The following TBC1D8 variants were observed in gnomAD, a reference collection of about 807,000 sequenced individuals.
The protein encoded by TBC1D8 is BUB2-like protein 1.
A neutral mutation model predicts 118.8 loss-of-function variants in TBC1D8; 65 were observed. The ratio of observed to expected loss-of-function variants is 0.55; its 90% confidence interval spans 0.45 to 0.67. The LOEUF (loss-of-function observed/expected upper bound fraction) is 0.67, where lower values mean the gene tolerates loss of function less well. Among genes scored for constraint, TBC1D8 ranks in the 30% least tolerant of loss-of-function variants. The pLI, the probability that TBC1D8 is intolerant of heterozygous loss-of-function variation, is 0.00. For synonymous variants in TBC1D8, 566 were observed against 595.8 expected (o/e 0.95, Z 0.73); for missense variants, 1,376 against 1,471.2 (o/e 0.94, Z 1.06).
At chr2:101,037,920 G>A (rs1009341398) in intron 7 of TBC1D8, among the ~76,000 whole-genome samples, 9 of 152,144 alleles carry the variant, frequency 5.9e-5, no homozygotes, top group African/African-American at 9.7e-5. Flanking sequence ...CCGGTCCCCA[G>A]AACCTGGGTC....
intron 2 of TBC1D8, among the ~76,000 whole-genome samples, chr2:101,062,771 A>G (rs1682822643): frequency 6.6e-6 from 1 of 152,098 alleles, no homozygotes; most frequent in African/African-American, 2.4e-5. Flanking sequence ...CCTCCCAAAT[A>G]GCTGGGACCA....
At chr2:101,013,563 C>A (rs901313817) in intron 17 of TBC1D8, among the ~76,000 whole-genome samples, 12 of 152,326 alleles carry the variant, frequency 7.9e-5, no homozygotes, top group African/African-American at 2.6e-4. Flanking sequence ...TCTCAGACTT[C>A]TGTTTGAAGG....
At chr2:101,025,656 C>T (rs557194726) in intron 15 of TBC1D8, among the ~76,000 whole-genome samples, 2 of 152,176 alleles carry the variant, frequency 1.3e-5, no homozygotes, top group African/African-American at 2.4e-5. Flanking sequence ...ATAAGTCTTA[C>T]GCAGAACATG....
chr2:101,134,337 T>C lies in TBC1D8; in HGVS notation c.127+16790A>G, dbSNP rs146810240. ...TCAGGCACCATCAATACTAATCAGA[T>C]CTCTGGCTTTGCCTAAGTTAGAGTC... On this transcript the variant is annotated intron_variant, in intron 1 of 19. Coordinates refer to ENST00000409318, the MANE Select transcript of TBC1D8 (RefSeq NM_001330348.2). Among the ~76,000 whole-genome samples the C allele has an allele frequency of 1.1e-3, 165 of 152,280 alleles. 1 individual carries two copies. Among genetic ancestry groups the C allele is most frequent in the African/African-American group, 3.4e-3 (141 of 41,550 alleles).
chr2:101,105,203 C>A (rs1369871760), intron 1 of TBC1D8, among the ~76,000 whole-genome samples: 3 of 152,006 alleles, frequency 2.0e-5, no homozygotes, highest in Non-Finnish European at 4.4e-5. Flanking sequence ...AAAAGACAAG[C>A]CACTGACTGA....
chr2:101,015,837 T>C (rs1253985064), intron 17 of TBC1D8, among the ~76,000 whole-genome samples: 2 of 152,144 alleles, frequency 1.3e-5, no homozygotes, highest in Non-Finnish European at 1.5e-5. Flanking sequence ...ATTCCCTATT[T>C]AATAAATGGT....
chr2:101,019,663 C>CA (rs1412872972), intron 17 of TBC1D8: 13 of 152,158 alleles, frequency 8.5e-5, no homozygotes, highest in African/African-American at 2.9e-4. Flanking sequence ...AAGGTCTGAA[C>CA]AATTGATTTT....
rs1361200190 is a variant in TBC1D8, at chr2:101,117,347, G to A, written c.128-26983C>T. On this transcript the variant is annotated intron_variant, in intron 1 of 19. Transcript: ENST00000409318. ...GAGAGCTTTAAATATACAAAGAGAT[G>A]GCTCTCCAAAGCCTCCCACAATAGA... is the stretch of plus-strand genomic sequence containing the variant. 5.3e-5 allele frequency among the ~76,000 whole-genome samples: 8 copies of A among 152,166 alleles called. No individual in the cohort carries two copies. The South Asian group carries it at 1.0e-3, about 20-fold the overall frequency.
chr2:101,008,411 C>T (rs1049981887), intron 19 of TBC1D8, 138 bp from the exon 20 acceptor site: 1 of 713,158 alleles, frequency 1.4e-6, no homozygotes, highest in South Asian at 2.3e-5. Flanking sequence ...TAGTCTCTGC[C>T]TTTCCACTCT....
intron 17 of TBC1D8, among the ~76,000 whole-genome samples, chr2:101,012,601 G>A (rs1270284303): frequency 2.0e-5 from 3 of 149,348 alleles, no homozygotes; most frequent in Admixed American, 6.7e-5. Flanking sequence ...TGATTGTGGT[G>A]ATCGCTGCAC....
chr2:101,096,824 C>T (rs1229127845), intron 1 of TBC1D8, among the ~76,000 whole-genome samples: 2 of 121,666 alleles, frequency 1.6e-5, no homozygotes, highest in East Asian at 5.2e-4. Context: ...AGAGAGACAG[C>T]ACAAGGAATA....
chr2:101,085,509 C>T (rs1675556482), intron 2 of TBC1D8, among the ~76,000 whole-genome samples: 1 of 152,202 alleles, frequency 6.6e-6, no homozygotes, highest in Admixed American at 6.5e-5. Flanking sequence ...TGCCCTGTTC[C>T]CATAACACGA....
intron 8 of TBC1D8, among the ~76,000 whole-genome samples, chr2:101,037,299 A>G (rs2105395861): frequency 6.6e-6 from 1 of 152,350 alleles, no homozygotes; most frequent in East Asian, 1.9e-4. Flanking sequence ...CCAGCTCCGC[A>G]GGCCCCACAG....
At chr2:101,070,955 G>A (rs1183607797) in intron 2 of TBC1D8, among the ~76,000 whole-genome samples, 1 of 152,032 alleles carries the variant, frequency 6.6e-6, no homozygotes, top group Non-Finnish European at 1.5e-5. Flanking sequence ...TTGTACCTAA[G>A]CCTCTAATAG....
At chr2:101,018,768 C>T (rs1450074170) in intron 17 of TBC1D8, among the ~76,000 whole-genome samples, 1 of 152,146 alleles carries the variant, frequency 6.6e-6, no homozygotes, top group Non-Finnish European at 1.5e-5. Flanking sequence ...TGTCCATTTT[C>T]AATATAACTT....
In TBC1D8 at chr2:101,145,187, T is replaced by G. The variant is rs565579890; in HGVS notation, c.127+5940A>C. Among the ~76,000 whole-genome samples the G allele has an allele frequency of 4.6e-5, 7 of 152,338 alleles. No individual in the cohort carries two copies. In the South Asian group the frequency reaches 1.5e-3, roughly 32 times the overall value. On this transcript the variant is annotated intron_variant, in intron 1 of 19. Transcript: ENST00000409318. ...CTGGAGTGACACAGTCCGTGCCTTG[T>G]TTGATTATCTCATTACAAATACATT...
chr2:101,133,143 G>C (rs1678669760), intron 1 of TBC1D8, among the ~76,000 whole-genome samples: 1 of 143,318 alleles, frequency 7.0e-6, no homozygotes, highest in African/African-American at 2.6e-5. Flanking sequence ...CTGGGTGACA[G>C]TGCGAGACTC....
In TBC1D8 at chr2:101,054,146, T is replaced by C; in HGVS notation, c.593A>G (p.Asn198Ser). The change falls in exon 4 of 20, where the codon AAC becomes AGC. Residue 198 changes from asparagine to serine, a missense_variant. Asn to Ser is a conservative substitution (Grantham distance 46). Transcript: ENST00000409318. ...PRQGWLYLSI[N>S]HLCFYSFFLG... ...GAAGAAGGAGTAGAAGCAGAGGTGG[T>C]TGATGCTGAGGTACAGCCAGCCCTG... 8.1e-6 allele frequency: 13 copies of C among 1,613,328 alleles called. No homozygotes were observed. The highest frequency in any genetic ancestry group is 1.1e-5 in the Non-Finnish European group (13 of 1,179,724).
chr2:101,069,534 C>T (rs899836703), intron 2 of TBC1D8, among the ~76,000 whole-genome samples: 26 of 151,988 alleles, frequency 1.7e-4, no homozygotes, highest in African/African-American at 3.6e-4. Flanking sequence ...TGCAGTGAGC[C>T]GAGATCGTGC....
Sources: allele counts gnomAD v4.1 joint callset (sites outside exome capture counted in the v4.1 genomes callset), GRCh38; gene constraint gnomAD v4.1.1; transcripts MANE v1.5; gene names NCBI Gene and HGNC (gene_info 2026-07-23, HGNC 2026-07-21).